The following CTCF variants were observed in gnomAD, a reference collection of about 807,000 sequenced individuals.
CTCF encodes the protein transcriptional repressor CTCF.
CTCF carries 7 observed loss-of-function variants against 72.3 expected under a neutral mutation model. The ratio of observed to expected loss-of-function variants is 0.10; its 90% CI spans 0.06 to 0.18. CTCF has a LOEUF of 0.18. CTCF is among the 10% of genes least tolerant of loss of function. The pLI is 1.00. For missense variants in CTCF, 516 were observed against 949.1 expected (o/e 0.54, Z 6.00); for synonymous variants, 374 against 315.8 (o/e 1.18, Z -1.95).
In CTCF at chr16:67,562,552, C is replaced by G. The variant is rs1267401471; in HGVS notation, c.-299C>G. 6.6e-6 allele frequency: 1 copy of G among 151,900 alleles called. No homozygotes were observed. Among genetic ancestry groups the G allele is most frequent in the Admixed American group, 6.6e-5 (1 of 15,254 alleles). The allele number at this position is 151,900 out of a possible 1,614,324, so 9.4% of individuals were successfully genotyped here. ...ACGCAGGCGCACTGCACCGCGCCGCCGCCATTTTGTGTCTGAGCCTGTGGA... is the reference window on the plus strand; with the variant it reads ...ACGCAGGCGCACTGCACCGCGCCGCGGCCATTTTGTGTCTGAGCCTGTGGA... On this transcript the variant is annotated 5_prime_UTR_variant, in exon 1 of 12. Transcript: ENST00000264010.
intron 2 of CTCF, among the ~76,000 whole-genome samples, chr16:67,573,917 G>T (rs1158951186): frequency 1.3e-5 from 2 of 151,954 alleles, no homozygotes; most frequent in African/African-American, 2.4e-5. Flanking sequence ...TGTAGTTCCA[G>T]TTACTGGGGA....
chr16:67,567,865 T>C (rs2051362743), intron 1 of CTCF: 1 of 151,044 alleles, frequency 6.6e-6, no homozygotes, highest in African/African-American at 2.5e-5. Flanking sequence ...GTGTTGACGT[T>C]ACAGGTGTGA....
At chr16:67,620,637 T>C (rs2052188407) in intron 5 of CTCF, 60 bp from the exon 6 acceptor site, 5 of 1,424,610 alleles carry the variant, frequency 3.5e-6, no homozygotes, top group South Asian at 1.6e-5. Context: ...CCTAACCTAC[T>C]GTGCTCTTGT....
intron 2 of CTCF, among the ~76,000 whole-genome samples, chr16:67,594,439 C>T (rs1353214988): frequency 6.6e-6 from 1 of 151,100 alleles, no homozygotes; most frequent in Admixed American, 6.6e-5. Flanking sequence ...GTGGCTCATG[C>T]CTATATTCTC....
rs754924154 is a variant in CTCF, at chr16:67,611,991, G to A, written c.822G>A (p.Thr274=). Residue 274 remains threonine (T), a synonymous_variant, in exon 4 of 12, where the codon ACG becomes ACA. Transcript: ENST00000264010. ...KTFQCELCSY[T]CPRRSNLDRH... Reference sequence around the variant, plus strand: ...TCCAGTGTGAGCTTTGCAGTTACACGTGTCCACGGCGTTCAAATTTGGATC... The same window carrying A: ...TCCAGTGTGAGCTTTGCAGTTACACATGTCCACGGCGTTCAAATTTGGATC... 7.4e-6 allele frequency: 12 copies of A among 1,613,986 alleles called. No individual in the cohort carries two copies. Among genetic ancestry groups the A allele is most frequent in the African/African-American group, 2.7e-5 (2 of 74,898 alleles).
chr16:67,582,604 A>T (rs1226250434), intron 2 of CTCF, among the ~76,000 whole-genome samples: 3 of 151,874 alleles, frequency 2.0e-5, no homozygotes, highest in African/African-American at 7.3e-5. Flanking sequence ...CAGGCACAAG[A>T]ATCACTTGAA....
At chr16:67,608,348 A>C (rs77118751) in intron 2 of CTCF, among the ~76,000 whole-genome samples, 2 of 149,660 alleles carry the variant, frequency 1.3e-5, no homozygotes, top group East Asian at 2.1e-4. Context: ...AAAAAAAAAA[A>C]CGACTTGTTA....
intron 10 of CTCF, among the ~76,000 whole-genome samples, chr16:67,633,190 G>A (rs1283508092): frequency 2.0e-5 from 3 of 152,206 alleles, no homozygotes; most frequent in African/African-American, 7.2e-5. Context: ...ATAAGTAAAA[G>A]CTGTGTTTGT....
chr16:67,596,575 A>T (rs1345383977), intron 2 of CTCF, among the ~76,000 whole-genome samples: 5 of 150,068 alleles, frequency 3.3e-5, no homozygotes, highest in South Asian at 2.1e-4. Flanking sequence ...TTTTATTTTT[A>T]TTTTATTTTA....
At chr16:67,587,722 A>G (rs970181212) in intron 2 of CTCF, among the ~76,000 whole-genome samples, 5 of 152,112 alleles carry the variant, frequency 3.3e-5, no homozygotes, top group Non-Finnish European at 7.3e-5. Context: ...CCAGGAGTTC[A>G]GGACCTGCCT....
chr16:67,599,428 A>G (rs552069320), intron 2 of CTCF, among the ~76,000 whole-genome samples: 2 of 152,184 alleles, frequency 1.3e-5, no homozygotes, highest in South Asian at 2.1e-4. Flanking sequence ...AAGAGGAGGA[A>G]GAACTGATCC....
chr16:67,602,858 AAAAG>A (rs1221048319), intron 2 of CTCF, among the ~76,000 whole-genome samples: 60 of 151,396 alleles, frequency 4.0e-4, no homozygotes, highest in African/African-American at 1.3e-3. Context: ...AAAAAAAAAA[AAAAG>A]AGAAGAAAAT....
intron 5 of CTCF, among the ~76,000 whole-genome samples, 184 bp downstream of exon 5, chr16:67,617,062 A>T (rs2052140867): frequency 6.6e-6 from 1 of 152,234 alleles, no homozygotes; most frequent in Admixed American, 6.5e-5. Flanking sequence ...TTTACTTGTT[A>T]AAAAGAGTCA....
At chr16:67,610,686 T>C in intron 2 of CTCF, 138 bp from the exon 3 acceptor site, 1 of 539,330 alleles carries the variant, frequency 1.9e-6, no homozygotes, top group Non-Finnish European at 3.0e-6. Flanking sequence ...AAGAGGCACA[T>C]GTCTGTTGTG....
At chr16:67,594,907 A>G (rs1237298313) in intron 2 of CTCF, among the ~76,000 whole-genome samples, 2 of 152,178 alleles carry the variant, frequency 1.3e-5, no homozygotes, top group African/African-American at 2.4e-5. Flanking sequence ...GTACTGGTCA[A>G]GGTTGAGATG....
chr16:67,608,897 A>G (rs903640933), intron 2 of CTCF, among the ~76,000 whole-genome samples: 19 of 151,780 alleles, frequency 1.3e-4, no homozygotes, highest in African/African-American at 4.4e-4. Context: ...ATGCACCATC[A>G]CACCTGGCTA....
chr16:67,587,735 G>A (rs768329309), intron 2 of CTCF, among the ~76,000 whole-genome samples: 5 of 152,036 alleles, frequency 3.3e-5, no homozygotes, highest in Non-Finnish European at 7.3e-5. Flanking sequence ...ACCTGCCTGG[G>A]TGACATAGCA....
intron 5 of CTCF, among the ~76,000 whole-genome samples, chr16:67,620,037 G>A (rs2052181819): frequency 6.6e-6 from 1 of 152,192 alleles, no homozygotes; most frequent in African/African-American, 2.4e-5. Context: ...AAAAGAGGAT[G>A]AGTGGAATTA....
chr16:67,581,728 C>T (rs1419548759), intron 2 of CTCF, among the ~76,000 whole-genome samples: 3 of 151,998 alleles, frequency 2.0e-5, no homozygotes, highest in Non-Finnish European at 4.4e-5. Context: ...GTCTAGAACT[C>T]CTGACCTCAG....
Sources: allele counts gnomAD v4.1 joint callset (sites outside exome capture counted in the v4.1 genomes callset), GRCh38; gene constraint gnomAD v4.1.1; transcripts MANE v1.5; gene names NCBI Gene and HGNC (gene_info 2026-07-23, HGNC 2026-07-21).